MCTP1: variants seen among roughly 807,000 people sequenced by gnomAD.
MCTP1 encodes the protein multiple C2 and transmembrane domain containing 1, also known as multiple C2 and transmembrane domain-containing protein 1.
Under a neutral mutation model 120.6 loss-of-function variants are expected in MCTP1, and 69 were observed. The ratio of observed to expected loss-of-function variants is 0.57; its 90% CI spans 0.47 to 0.70. MCTP1 has a LOEUF of 0.70. Ranked by LOEUF, MCTP1 falls within the 30% of genes least tolerant of loss-of-function variation. The probability of loss-of-function intolerance (pLI) is 0.00; values close to 1 mark genes in which losing one functional copy is unlikely to be tolerated. For synonymous variants in MCTP1, 529 were observed against 493.1 expected, an observed-to-expected ratio of 1.07 and a Z score of -0.96; for missense variants, 1,203 against 1,248.8, an observed-to-expected ratio of 0.96 and a Z score of 0.55.
intron 1 of MCTP1, among the ~76,000 whole-genome samples, chr5:95,194,378 G>A (rs914680005): frequency 1.1e-4 from 16 of 152,084 alleles, no homozygotes; most frequent in African/African-American, 1.2e-4. Context: ...ACTCTACTGC[G>A]TGGAAAAATT....
chr5:95,176,835 T>C (rs1467832878), intron 1 of MCTP1, among the ~76,000 whole-genome samples: 1 of 151,978 alleles, frequency 6.6e-6, no homozygotes, highest in Non-Finnish European at 1.5e-5. Flanking sequence ...TGAGACACTG[T>C]CTCAAATATA....
intron 7 of MCTP1, 81 bp from the exon 8 acceptor site, chr5:94,918,054 T>C: frequency 9.6e-7 from 1 of 1,039,430 alleles, no homozygotes. Context: ...GCAGTTTGAA[T>C]TACTCTTCAG....
chr5:94,919,990 T>G (rs897678145), intron 7 of MCTP1, among the ~76,000 whole-genome samples: 4 of 152,238 alleles, frequency 2.6e-5, no homozygotes, highest in African/African-American at 9.6e-5. Flanking sequence ...ATTCTGCTGG[T>G]TTTTAATCCT....
chr5:94,908,957 CT>C (rs1471639473), intron 10 of MCTP1, among the ~76,000 whole-genome samples: 1 of 151,966 alleles, frequency 6.6e-6, no homozygotes, highest in Non-Finnish European at 1.5e-5. Context: ...GTCTTTGTTC[CT>C]TTATGTATCT....
chr5:95,018,425 A>C (rs941624218), intron 1 of MCTP1, among the ~76,000 whole-genome samples: 27 of 152,120 alleles, frequency 1.8e-4, no homozygotes, highest in African/African-American at 6.5e-4. Context: ...ATTCACATAA[A>C]ATGAAACAAT....
intron 17 of MCTP1, among the ~76,000 whole-genome samples, chr5:94,816,166 C>A: frequency 6.6e-6 from 1 of 152,024 alleles, no homozygotes; most frequent in Non-Finnish European, 1.5e-5. Flanking sequence ...AGGTAAAATA[C>A]GTATGTATAA....
intron 1 of MCTP1, among the ~76,000 whole-genome samples, chr5:95,039,054 T>G (rs1841861973): frequency 6.6e-6 from 1 of 152,138 alleles, no homozygotes; most frequent in South Asian, 2.1e-4. Flanking sequence ...GTTCTCACCC[T>G]TAAAAATGGG....
intron 17 of MCTP1, among the ~76,000 whole-genome samples, chr5:94,832,609 AACACACACACACAC>A (rs59233492): frequency 2.3e-4 from 34 of 147,234 alleles, no homozygotes; most frequent in African/African-American, 8.3e-4. Flanking sequence ...GGGCTAGCTG[AACACACACACACAC>A]ACACACACAC....
chr5:94,781,262 T>TA (rs1776521693), intron 18 of MCTP1, among the ~76,000 whole-genome samples: 1 of 152,096 alleles, frequency 6.6e-6, no homozygotes, highest in African/African-American at 2.4e-5. Flanking sequence ...TAAGAATGTA[T>TA]AATATGCCTC....
At chr5:94,838,868 G>A (rs1032604894) in intron 17 of MCTP1, among the ~76,000 whole-genome samples, 23 of 152,136 alleles carry the variant, frequency 1.5e-4, no homozygotes, top group African/African-American at 5.1e-4. Context: ...GATGATGATC[G>A]GGTAGCCAGG....
At chr5:95,170,373 A>G (rs1349582226) in intron 1 of MCTP1, among the ~76,000 whole-genome samples, 1 of 152,228 alleles carries the variant, frequency 6.6e-6, no homozygotes, top group Non-Finnish European at 1.5e-5. Flanking sequence ...GGTGCTTAGT[A>G]GAATGTATAT....
intron 1 of MCTP1, among the ~76,000 whole-genome samples, chr5:95,142,502 C>T (rs900738194): frequency 5.9e-5 from 9 of 152,170 alleles, no homozygotes; most frequent in African/African-American, 2.2e-4. Context: ...TGATCAAAGT[C>T]TTCAGTTCCC....
chr5:94,815,544 T>C (rs1214551721), intron 17 of MCTP1, among the ~76,000 whole-genome samples: 1 of 152,216 alleles, frequency 6.6e-6, no homozygotes, highest in African/African-American at 2.4e-5. Context: ...AGTTCAGTTA[T>C]GGCAACATTG....
intron 1 of MCTP1, among the ~76,000 whole-genome samples, chr5:95,269,568 C>A (rs983486036): frequency 5.9e-5 from 9 of 152,172 alleles, no homozygotes; most frequent in Non-Finnish European, 8.8e-5. Flanking sequence ...GCCTTCTCTC[C>A]AAAACAATGG....
intron 1 of MCTP1, among the ~76,000 whole-genome samples, chr5:95,194,647 G>T (rs984987641): frequency 3.3e-5 from 5 of 152,108 alleles, no homozygotes; most frequent in African/African-American, 1.2e-4. Context: ...TAATATCATG[G>T]GGATTACAAT....
At chr5:95,100,016 C>T (rs1216833314) in intron 1 of MCTP1, among the ~76,000 whole-genome samples, 24 of 151,084 alleles carry the variant, frequency 1.6e-4, no homozygotes, top group African/African-American at 4.4e-4. Flanking sequence ...AGTAAACTAT[C>T]GCAAGAACAA....
chr5:95,027,394 G>C (rs1247259614), intron 1 of MCTP1, among the ~76,000 whole-genome samples: 2 of 152,200 alleles, frequency 1.3e-5, no homozygotes, highest in Non-Finnish European at 1.5e-5. Context: ...ATTTAGCAGA[G>C]AGCATTAGTA....
intron 17 of MCTP1, among the ~76,000 whole-genome samples, chr5:94,828,254 C>A (rs371908061): frequency 6.6e-6 from 1 of 152,164 alleles, no homozygotes; most frequent in East Asian, 1.9e-4. Context: ...GGGGGTCCAC[C>A]CTGTTTGCCT....
intron 1 of MCTP1, chr5:95,081,732 T>A: frequency 6.5e-6 from 8 of 1,239,312 alleles, no homozygotes; most frequent in Non-Finnish European, 7.1e-6. Context: ...AAGGGAAGAG[T>A]TTCCCATTGC....
Sources: gnomAD v4.1 joint callset for allele counts (sites outside exome capture counted in the v4.1 genomes callset) on GRCh38, gnomAD v4.1.1 for gene constraint, MANE v1.5 for transcripts, NCBI Gene and HGNC (gene_info 2026-07-23, HGNC 2026-07-21) for gene names.